The following HELB variants were observed in gnomAD, a reference collection of about 807,000 sequenced individuals.
The protein encoded by HELB is DNA 5'-3' helicase B.
In HELB, 96 loss-of-function variants were observed where a neutral mutation model predicts 101.7. The ratio of observed to expected loss-of-function variants is 0.94; its 90% confidence interval spans 0.80 to 1.12. The LOEUF is 1.12. HELB is among the 50% of genes most tolerant of loss of function. The pLI is 0.00. For missense variants in HELB, 1,210 were observed against 1,291.9 expected, an observed-to-expected ratio of 0.94 and a Z score of 0.97; for synonymous variants, 437 against 459.7, an observed-to-expected ratio of 0.95 and a Z score of 0.63.
chr12:66,319,671 A>G (rs1277651622), intron 7 of HELB, among the ~76,000 whole-genome samples: 14 of 152,136 alleles, frequency 9.2e-5, no homozygotes, highest in African/African-American at 3.1e-4. Flanking sequence ...GACTTTTTGT[A>G]GTTGCCACTG....
downstream of HELB, chr12:66,341,829 C>A (rs1429783290): frequency 1.3e-5 from 2 of 152,206 alleles, no homozygotes; most frequent in African/African-American, 4.8e-5. Context: ...CCTTCTGCCA[C>A]CTTGTAAAGA....
At chr12:66,312,426 A>G (rs530860763) in intron 4 of HELB, among the ~76,000 whole-genome samples, 3 of 152,250 alleles carry the variant, frequency 2.0e-5, no homozygotes, top group Non-Finnish European at 4.4e-5. Context: ...GCCACTTATC[A>G]TATCTTGCCT....
chr12:66,334,351 A>G (rs2053842450), intron 12 of HELB, among the ~76,000 whole-genome samples: 1 of 151,654 alleles, frequency 6.6e-6, no homozygotes, highest in Non-Finnish European at 1.5e-5. Flanking sequence ...AGTCCCAGCT[A>G]CCCAGGAAGC....
chr12:66,314,152 T>G lies in HELB; in HGVS notation c.1847T>G (p.Leu616Arg). The change falls in exon 5 of 13, where the codon CTT (leucine) becomes CGT (arginine). Residue 616 changes from leucine to arginine, a missense_variant. Physicochemically the swap from Leu to Arg is moderately radical, Grantham distance 102 (BLOSUM62 -2). Transcript: ENST00000247815. Reference protein sequence around the residue: ...LLCEHSKLSKLIILGDIRQLP... With the variant: ...LLCEHSKLSKRIILGDIRQLP... ...TGTGAGCACTCCAAACTTTCTAAGC[T>G]TATTATCCTTGGTAAGTTAAAATAT... The G allele has an allele frequency of 6.2e-7, 1 of 1,612,332 alleles. No individual in the cohort carries two copies.
Position 66,310,628 on chromosome 12 carries a change from A to G in HELB, c.1680+20A>G, listed in dbSNP as rs968827401. 14 of 1,589,290 alleles carry G rather than the reference A, an allele frequency of 8.8e-6. No individual in the cohort carries two copies. The highest frequency in any genetic ancestry group is 1.2e-5 in the Non-Finnish European group (14 of 1,169,648). ...TGTCAGGTAAAACCTTTGACATTTC[A>G]TCTGTAGATAAAACATTTGTCGGCC... On this transcript the variant is annotated intron_variant, in intron 4 of 12. Coordinates refer to ENST00000247815, the MANE Select transcript of HELB (RefSeq NM_001370285.1).
chr12:66,309,874 A>G lies in HELB; in HGVS notation c.946A>G (p.Asn316Asp). The G allele has an allele frequency of 1.2e-6, 2 of 1,614,174 alleles. No homozygotes were observed. Among genetic ancestry groups the G allele is most frequent in the South Asian group, 1.1e-5 (1 of 91,082 alleles). The part of the protein sequence containing the change: ...REDGHTYVEV[N>D]DLTLTLSNHM... The stretch of plus-strand genomic sequence containing the variant: ...AGATGGGCACACATATGTTGAAGTG[A>G]ATGACTTAACTTTGACATTGTCAAA... The change falls in exon 4 of 13, where the codon AAT becomes GAT. Residue 316 changes from asparagine to aspartate, a missense_variant. By Grantham distance (23) the Asn-to-Asp change is conservative. This residue lies in a region of HELB where 470 missense variants were observed against 563.1 expected (regional missense o/e 0.83). Transcript: ENST00000247815.
chr12:66,312,207 CAGTT>C (rs1191165653), intron 4 of HELB, among the ~76,000 whole-genome samples: 5 of 152,196 alleles, frequency 3.3e-5, no homozygotes, highest in Admixed American at 2.6e-4. Context: ...CCTAAGATCT[CAGTT>C]AGGTGTAGAA....
In HELB at chr12:66,321,963, T is replaced by G. The variant is rs1395780565; in HGVS notation, c.2171T>G (p.Val724Gly). 1.5e-5 allele frequency: 17 copies of G among 1,159,954 alleles called. No individual in the cohort carries two copies. Among genetic ancestry groups the G allele is most frequent in the Admixed American group, 6.1e-5 (3 of 49,278 alleles). 71.9% of individuals were successfully genotyped at this position (1,159,954 alleles called of 1,614,324 possible). The stretch of plus-strand genomic sequence containing the variant: ...GAATTATTAGGTTTATATTCTGCAG[T>G]TAAAACTTTACTACAAGAAAATAAC... ...TNHHSCLYSA[V>G]KTLLQENNLQ... Residue 724 changes from valine to glycine, a missense_variant, in exon 8 of 13, where the codon GTT becomes GGT. By Grantham distance (109) the Val-to-Gly change is moderately radical. Around this residue, in one of 2 missense-constraint regions of HELB, gnomAD observed 740 missense variants for 728.8 expected, o/e 1.02. Transcript: ENST00000247815.
chr12:66,328,939 A>G (rs1344112596), intron 11 of HELB, among the ~76,000 whole-genome samples: 1 of 152,182 alleles, frequency 6.6e-6, no homozygotes, highest in Non-Finnish European at 1.5e-5. Flanking sequence ...TTTGTATTGG[A>G]CAGTGCTGTT....
At position 66,304,729 on chromosome 12, in the gene HELB, A is replaced by T. The variant is rs775158645; in HGVS notation, c.188-2A>T. The T allele has an allele frequency of 3.2e-6, 5 of 1,566,982 alleles. No individual in the cohort carries two copies. Among genetic ancestry groups the T allele is most frequent in the African/African-American group, 2.8e-5 (2 of 72,042 alleles). Reference sequence around the variant, plus strand: ...TGTGGGTTTTTGTTTGTTTTTTTTTAGTTTCTATTTGTGATGAAAACACAC... The same window carrying T: ...TGTGGGTTTTTGTTTGTTTTTTTTTTGTTTCTATTTGTGATGAAAACACAC... On this transcript the variant is annotated splice_acceptor_variant, in intron 1 of 12. Transcript: ENST00000247815. LOFTEE classifies it high-confidence loss of function.
At chr12:66,333,777 G>C (rs781480054) in intron 12 of HELB, among the ~76,000 whole-genome samples, 1 of 152,168 alleles carries the variant, frequency 6.6e-6, no homozygotes, top group African/African-American at 2.4e-5. Context: ...GAGATGGGCA[G>C]GGCCACGGGA....
rs1474769151 is a variant in HELB, at chr12:66,310,615, C to T, written c.1680+7C>T. ...TGCCTACACACTGTGTCAGGTAAAA[C>T]CTTTGACATTTCATCTGTAGATAAA... On this transcript the variant is annotated splice_region_variant and intron_variant, in intron 4 of 12. Coordinates refer to ENST00000247815, the MANE Select transcript of HELB (RefSeq NM_001370285.1). 1.6e-5 allele frequency: 25 copies of T among 1,598,946 alleles called. No individual in the cohort carries two copies. Among genetic ancestry groups the T allele is most frequent in the Non-Finnish European group, 2.1e-5 (25 of 1,174,148 alleles).
At position 66,315,377 on chromosome 12, in the gene HELB, C is replaced by T. The variant is rs751942873; in HGVS notation, c.1994C>T (p.Ala665Val). The T allele has an allele frequency of 1.9e-6, 3 of 1,581,556 alleles. 1 individual carries two copies. Among genetic ancestry groups the T allele is most frequent in the Non-Finnish European group, 8.6e-7 (1 of 1,166,988 alleles). The change falls in exon 6 of 13, where the codon GCT becomes GTT. Residue 665 changes from alanine (A) to valine (V), a missense_variant. By Grantham distance (64) the Ala-to-Val change is moderately conservative (BLOSUM62 0). This residue lies in a region of HELB where 740 missense variants were observed against 728.8 expected (regional missense o/e 1.02). Coordinates refer to ENST00000247815, the MANE Select transcript of HELB (RefSeq NM_001370285.1). ...RAESQLIVDN[A>V]TRISRRQFPK... ...GAATCTCAGCTCATTGTGGACAATGCTACAAGGTATAATATTACTAAGAGT... is the reference window on the plus strand; with the variant it reads ...GAATCTCAGCTCATTGTGGACAATGTTACAAGGTATAATATTACTAAGAGT...
intron 6 of HELB, among the ~76,000 whole-genome samples, chr12:66,317,455 A>T (rs4554930): frequency 0.71 from 107,920 of 152,080 alleles, 38,795 homozygotes; most frequent in Middle Eastern, 0.83. Flanking sequence ...ATGTAGAATA[A>T]TCTTTTCCTG....
At chr12:66,320,081 A>G (rs2053653746) in intron 7 of HELB, among the ~76,000 whole-genome samples, 1 of 152,100 alleles carries the variant, frequency 6.6e-6, no homozygotes, top group Non-Finnish European at 1.5e-5. Flanking sequence ...ATTTTCAAAC[A>G]TCAGAGTACA....
chr12:66,303,472 A>G (rs892379836), intron 1 of HELB, among the ~76,000 whole-genome samples: 1 of 151,946 alleles, frequency 6.6e-6, no homozygotes, highest in Non-Finnish European at 1.5e-5. Context: ...CAACAACAAC[A>G]AAACTACAAA....
At chr12:66,305,299 A>G (rs1031297653) in intron 2 of HELB, 149 bp downstream of exon 2, 2 of 593,852 alleles carry the variant, frequency 3.4e-6, no homozygotes, top group Non-Finnish European at 5.8e-6. Flanking sequence ...TGCCATTGAC[A>G]TTTCAGGTTT....
chr12:66,322,735 A>T lies in HELB; in HGVS notation c.2249A>T (p.Asp750Val). Residue 750 changes from aspartate to valine, a missense_variant, in exon 9 of 13, where the codon GAT becomes GTT. Transcript: ENST00000247815. ...TTCGTGTGTTTCAGGCAAGACTGTGATCTAATTAATGACTGCTGCTGCAAA... is the reference window on the plus strand; with the variant it reads ...TTCGTGTGTTTCAGGCAAGACTGTGTTCTAATTAATGACTGCTGCTGCAAA... The part of the protein sequence containing the change: ...QFIAFRRQDC[D>V]LINDCCCKHY... 2 of 1,610,364 alleles carry T rather than the reference A, an allele frequency of 1.2e-6. No individual in the cohort carries two copies. Among genetic ancestry groups the T allele is most frequent in the Non-Finnish European group, 1.7e-6 (2 of 1,178,096 alleles).
At chr12:66,318,849 CAT>C in intron 7 of HELB, 57 bp downstream of exon 7, 1 of 1,345,844 alleles carries the variant, frequency 7.4e-7, no homozygotes, top group Non-Finnish European at 1.0e-6. Context: ...AGTTTTGTAA[CAT>C]AGTTATTAAA....
Sources: allele counts gnomAD v4.1 joint callset (sites outside exome capture counted in the v4.1 genomes callset), GRCh38; gene constraint gnomAD v4.1.1; regional missense constraint gnomAD v4.1.1; transcripts MANE v1.5; gene names NCBI Gene and HGNC (gene_info 2026-07-23, HGNC 2026-07-21).